GRM1: variants seen among roughly 807,000 people sequenced by gnomAD.
The protein encoded by GRM1 is metabotropic glutamate receptor 1.
GRM1 carries 33 observed loss-of-function variants against 90.9 expected under a neutral mutation model. The observed-to-expected ratio is 0.36, with a 90% CI of 0.28 to 0.49. GRM1 has a LOEUF of 0.49. Ranked by LOEUF, GRM1 falls within the 20% of genes least tolerant of loss-of-function variation. The probability of loss-of-function intolerance (pLI) is 0.99; values close to 1 mark genes in which losing one functional copy is unlikely to be tolerated. For missense variants in GRM1, 1,190 were observed against 1,534.3 expected (o/e 0.78, Z 3.75); for synonymous variants, 700 against 613.2 (o/e 1.14, Z -2.09).
At chr6:146,318,514 T>C (rs769017788) in intron 3 of GRM1, among the ~76,000 whole-genome samples, 1 of 152,214 alleles carries the variant, frequency 6.6e-6, no homozygotes, top group Non-Finnish European at 1.5e-5. Flanking sequence ...TTTGGGTATA[T>C]ACCCAGTAAT....
chr6:146,219,984 G>A (rs1780005394), intron 2 of GRM1, among the ~76,000 whole-genome samples: 1 of 151,978 alleles, frequency 6.6e-6, no homozygotes, highest in South Asian at 2.1e-4. Context: ...TAGGAACAGG[G>A]AAGGTATCAA....
intron 5 of GRM1, among the ~76,000 whole-genome samples, chr6:146,365,897 G>T (rs563903465): frequency 6.6e-6 from 1 of 152,286 alleles, no homozygotes; most frequent in South Asian, 2.1e-4. Flanking sequence ...TGAAAGCTGG[G>T]TGAGGACTTG....
chr6:146,122,539 G>C (rs768879558), intron 1 of GRM1, among the ~76,000 whole-genome samples: 6 of 151,752 alleles, frequency 4.0e-5, no homozygotes, highest in Non-Finnish European at 8.8e-5. Flanking sequence ...AGTTCCTTTG[G>C]TTCTCTCCTC....
intron 2 of GRM1, among the ~76,000 whole-genome samples, chr6:146,235,701 C>CGTGT (rs71028383): frequency 0.094 from 9,634 of 102,752 alleles, 458 homozygotes; most frequent in African/African-American, 0.11. Context: ...TCTCTGTTAC[C>CGTGT]GTGTGTGTGT....
At chr6:146,312,907 G>A (rs1018880999) in intron 3 of GRM1, among the ~76,000 whole-genome samples, 4 of 152,182 alleles carry the variant, frequency 2.6e-5, no homozygotes, top group Non-Finnish European at 5.9e-5. Context: ...GACCAGGCAT[G>A]TCTTAAAGAG....
In GRM1 at chr6:146,154,341, G is replaced by A. The variant is rs1583080216; in HGVS notation, c.701-5007G>A. Among the ~76,000 whole-genome samples, 5 of 152,248 alleles carry A rather than the reference G, an allele frequency of 3.3e-5. 1 individual carries two copies. Among genetic ancestry groups the A allele is most frequent in the Admixed American group, 3.3e-4 (5 of 15,284 alleles). ...AACCTGCATGTATTGTGAGAAAGTG[G>A]CATCTGACTTCCTTCCTCGCGCCCT... On this transcript the variant is annotated intron_variant, in intron 1 of 7. Transcript: ENST00000282753.
intron 3 of GRM1, among the ~76,000 whole-genome samples, chr6:146,338,766 T>C (rs958742002): frequency 1.3e-5 from 2 of 152,208 alleles, no homozygotes; most frequent in Non-Finnish European, 2.9e-5. Flanking sequence ...AGAGTAGCTC[T>C]TTATTAACCA....
intron 2 of GRM1, among the ~76,000 whole-genome samples, chr6:146,286,178 T>G (rs902451562): frequency 6.6e-6 from 1 of 152,116 alleles, no homozygotes; most frequent in African/African-American, 2.4e-5. Flanking sequence ...CACTAAAAAT[T>G]TATAAATCCT....
Position 146,173,161 on chromosome 6 carries a change from G to T in GRM1, c.950+13564G>T, listed in dbSNP as rs532670808. Among the ~76,000 whole-genome samples, 25 of 152,038 alleles carry T rather than the reference G, an allele frequency of 1.6e-4. No homozygotes were observed. The East Asian group carries it at 4.7e-3, about 28-fold the overall frequency. On this transcript the variant is annotated intron_variant, in intron 2 of 7. Transcript: ENST00000282753. ...TTCCAGCACTCTGGGAGCCCAAGTG[G>T]GTGGATCACCTGAGGTCAGGAGTTC...
At chr6:146,055,239 G>C (rs1184116259) in intron 1 of GRM1, among the ~76,000 whole-genome samples, 2 of 152,094 alleles carry the variant, frequency 1.3e-5, no homozygotes, top group African/African-American at 4.8e-5. Context: ...GTGGTATTTA[G>C]ATGTGTGTAT....
At chr6:146,076,576 A>G (rs192178226) in intron 1 of GRM1, among the ~76,000 whole-genome samples, 81 of 152,216 alleles carry the variant, frequency 5.3e-4, no homozygotes, top group African/African-American at 1.8e-3. Flanking sequence ...AAGGATTTTG[A>G]CATGAGTAAC....
rs1373651073 is a variant in GRM1, at chr6:146,437,300, C to A, written c.*2504C>A. The A allele has an allele frequency of 6.6e-6, 1 of 152,486 alleles. No individual in the cohort carries two copies. Among genetic ancestry groups the A allele is most frequent in the Non-Finnish European group, 1.5e-5 (1 of 68,020 alleles). The allele number at this position is 152,486 out of a possible 1,614,324, so 9.4% of individuals were successfully genotyped here. On this transcript the variant is annotated 3_prime_UTR_variant, in exon 8 of 8. Coordinates refer to ENST00000282753, the MANE Select transcript of GRM1 (RefSeq NM_001278064.2). ...AAGTGTAAGATGATATCAGGTTGGT[C>A]TAAGACTTTTGGTGAACACGTTCAT... is the stretch of plus-strand genomic sequence containing the variant.
intron 2 of GRM1, among the ~76,000 whole-genome samples, chr6:146,276,262 C>A (rs528320524): frequency 3.0e-4 from 46 of 152,216 alleles, no homozygotes; most frequent in African/African-American, 1.1e-3. Flanking sequence ...CTTCATTCAT[C>A]ACTATGTGAT....
At chr6:146,115,622 C>CTA (rs1775714634) in intron 1 of GRM1, among the ~76,000 whole-genome samples, 1 of 151,954 alleles carries the variant, frequency 6.6e-6, no homozygotes, top group Non-Finnish European at 1.5e-5. Context: ...TTTTTAATAC[C>CTA]GTCTTCCCAT....
intron 2 of GRM1, among the ~76,000 whole-genome samples, chr6:146,165,572 A>T (rs1777876797): frequency 6.6e-6 from 1 of 152,166 alleles, no homozygotes; most frequent in South Asian, 2.1e-4. Flanking sequence ...GTCATGACTT[A>T]CAGATATATG....
intron 2 of GRM1, among the ~76,000 whole-genome samples, chr6:146,274,033 C>T (rs1031162515): frequency 7.9e-5 from 12 of 152,158 alleles, no homozygotes; most frequent in African/African-American, 2.9e-4. Flanking sequence ...ACTCTGCAAT[C>T]GTTTTTGTAT....
intron 2 of GRM1, among the ~76,000 whole-genome samples, chr6:146,193,109 T>C (rs1015232784): frequency 2.0e-5 from 3 of 152,172 alleles, no homozygotes; most frequent in Non-Finnish European, 2.9e-5. Context: ...GTGGGGTAGG[T>C]TTGTGGACTA....
chr6:146,342,131 G>A (rs193240219), intron 3 of GRM1, among the ~76,000 whole-genome samples: 3 of 152,250 alleles, frequency 2.0e-5, no homozygotes, highest in Admixed American at 2.0e-4. Flanking sequence ...GTTGGTCTGA[G>A]GGTTTTAGAA....
At chr6:146,338,470 C>G (rs1784856620) in intron 3 of GRM1, among the ~76,000 whole-genome samples, 1 of 152,350 alleles carries the variant, frequency 6.6e-6, no homozygotes, top group South Asian at 2.1e-4. Context: ...CTCCACAGTT[C>G]ACACATCCTT....
Sources: allele counts gnomAD v4.1 joint callset (sites outside exome capture counted in the v4.1 genomes callset), GRCh38; gene constraint gnomAD v4.1.1; transcripts MANE v1.5; gene names NCBI Gene and HGNC (gene_info 2026-07-23, HGNC 2026-07-21).